PHKB: variants seen among roughly 807,000 people sequenced by gnomAD.
PHKB encodes phosphorylase kinase regulatory subunit beta.
In PHKB, 122 loss-of-function variants were observed where a neutral mutation model predicts 152.1. The observed-to-expected ratio is 0.80, with a 90% CI of 0.69 to 0.93. The LOEUF is 0.93. Ranked by LOEUF, PHKB falls within the 40% of genes least tolerant of loss-of-function variation. The pLI, the probability that PHKB is intolerant of heterozygous loss-of-function variation, is 0.00. For missense variants in PHKB, 1,304 were observed against 1,328.4 expected (o/e 0.98, Z 0.29); for synonymous variants, 436 against 464.9 (o/e 0.94, Z 0.80).
At chr16:47,697,964 T>C (rs1250046978) in intron 29 of PHKB, among the ~76,000 whole-genome samples, 1 of 152,184 alleles carries the variant, frequency 6.6e-6, no homozygotes, top group Admixed American at 6.5e-5. Flanking sequence ...CATCACAGAC[T>C]TATACTCATT....
At chr16:47,564,250 A>T (rs377037284) in intron 7 of PHKB, among the ~76,000 whole-genome samples, 2 of 151,512 alleles carry the variant, frequency 1.3e-5, no homozygotes, top group South Asian at 4.2e-4. Flanking sequence ...AGAAATTTCC[A>T]TACTGTCTTT....
intron 6 of PHKB, among the ~76,000 whole-genome samples, chr16:47,547,057 T>C (rs1423313434): frequency 6.6e-6 from 1 of 152,214 alleles, no homozygotes; most frequent in Non-Finnish European, 1.5e-5. Flanking sequence ...CCCCTTGCAC[T>C]TCCTGGGTGA....
chr16:47,477,927 A>G (rs1278752326), intron 1 of PHKB, among the ~76,000 whole-genome samples: 1 of 152,198 alleles, frequency 6.6e-6, no homozygotes, highest in Non-Finnish European at 1.5e-5. Flanking sequence ...AACTTTACCT[A>G]AGATACCGAG....
chr16:47,542,796 CTGTT>C (rs1419004196), intron 6 of PHKB, among the ~76,000 whole-genome samples: 2 of 152,094 alleles, frequency 1.3e-5, no homozygotes, highest in Non-Finnish European at 2.9e-5. Context: ...ATTTGGCTCT[CTGTT>C]TGTCTGTTAT....
At chr16:47,501,181 A>C (rs1052915719) in intron 3 of PHKB, among the ~76,000 whole-genome samples, 3 of 152,230 alleles carry the variant, frequency 2.0e-5, no homozygotes, top group African/African-American at 2.4e-5. Flanking sequence ...GATTTGACAC[A>C]ATGGGAAATA....
rs1973958388 is a variant in PHKB at position 47,685,974 on chromosome 16, C to G, written c.2631-3067C>G. Among the ~76,000 whole-genome samples the G allele has an allele frequency of 2.0e-5, 3 of 152,144 alleles. No individual in the cohort carries two copies. In the South Asian group the frequency reaches 6.2e-4, roughly 32 times the overall value. ...GCCAGGATGGTCTCAATCTCCTGACCTCATGATCCGCTGCCTCAGCCTCCC... is the reference window on the plus strand; with the variant it reads ...GCCAGGATGGTCTCAATCTCCTGACGTCATGATCCGCTGCCTCAGCCTCCC... On this transcript the variant is annotated intron_variant, in intron 26 of 30. Transcript: ENST00000323584.
intron 1 of PHKB, among the ~76,000 whole-genome samples, chr16:47,466,692 A>C (rs1288533930): frequency 6.6e-6 from 1 of 152,076 alleles, no homozygotes; most frequent in African/African-American, 2.4e-5. Context: ...GCAAATCAGT[A>C]CCTGTTAAAA....
At chr16:47,527,473 A>G (rs1301288461) in intron 6 of PHKB, among the ~76,000 whole-genome samples, 1 of 152,208 alleles carries the variant, frequency 6.6e-6, no homozygotes, top group Non-Finnish European at 1.5e-5. Context: ...CAGAGAAACA[A>G]TATTCACAAT....
intron 1 of PHKB, among the ~76,000 whole-genome samples, chr16:47,492,177 C>T (rs1425958065): frequency 1.3e-5 from 2 of 152,154 alleles, no homozygotes; most frequent in East Asian, 1.9e-4. Flanking sequence ...AAAACATTGC[C>T]ACGTGGTTGC....
At chr16:47,483,034 CTTT>C (rs35429055) in intron 1 of PHKB, among the ~76,000 whole-genome samples, 7 of 91,850 alleles carry the variant, frequency 7.6e-5, no homozygotes, top group Admixed American at 7.6e-4. Flanking sequence ...TAAATAATTT[CTTT>C]TTTTTTTTTT....
chr16:47,475,672 C>T (rs1025992985), intron 1 of PHKB, among the ~76,000 whole-genome samples: 2 of 152,000 alleles, frequency 1.3e-5, no homozygotes, highest in Admixed American at 1.3e-4. Flanking sequence ...TAGCAAATTC[C>T]CATGCTTCCA....
chr16:47,535,103 A>G (rs1970929286), intron 6 of PHKB, among the ~76,000 whole-genome samples: 2 of 152,196 alleles, frequency 1.3e-5, no homozygotes, highest in South Asian at 4.1e-4. Flanking sequence ...TACACTAAAG[A>G]GTGTGTGAAA....
At chr16:47,575,027 T>C (rs944988653) in intron 7 of PHKB, among the ~76,000 whole-genome samples, 1 of 152,188 alleles carries the variant, frequency 6.6e-6, no homozygotes, top group African/African-American at 2.4e-5. Flanking sequence ...TCTTTCACCA[T>C]CAAGTAGAGT....
intron 7 of PHKB, chr16:47,561,777 T>A (rs1971480127): frequency 6.6e-6 from 1 of 152,232 alleles, no homozygotes; most frequent in African/African-American, 2.4e-5. Flanking sequence ...GAAAATATAC[T>A]TCCTTGGATA....
chr16:47,576,345 G>C (rs1971749232), intron 7 of PHKB, among the ~76,000 whole-genome samples: 1 of 152,144 alleles, frequency 6.6e-6, no homozygotes, highest in Admixed American at 6.6e-5. Flanking sequence ...AGTTAACATG[G>C]TAATTATATT....
chr16:47,578,293 T>G (rs960757338), intron 7 of PHKB, among the ~76,000 whole-genome samples: 3 of 152,212 alleles, frequency 2.0e-5, no homozygotes, highest in African/African-American at 7.2e-5. Context: ...TTCTAACAAC[T>G]CTTTCTTCTC....
chr16:47,689,412 C>G (rs1247103224), intron 27 of PHKB, among the ~76,000 whole-genome samples: 1 of 152,032 alleles, frequency 6.6e-6, no homozygotes, highest in Non-Finnish European at 1.5e-5. Flanking sequence ...AGTTTATAAG[C>G]ATTTCTTCAT....
chr16:47,468,464 C>T (rs570835730), intron 1 of PHKB, among the ~76,000 whole-genome samples: 1 of 152,190 alleles, frequency 6.6e-6, no homozygotes, highest in African/African-American at 2.4e-5. Flanking sequence ...TCAGCCTGGC[C>T]AACATGGTGA....
chr16:47,566,356 C>A, intron 7 of PHKB: 3 of 1,432,042 alleles, frequency 2.1e-6, no homozygotes, highest in South Asian at 2.3e-5. Flanking sequence ...GAAGAATGAT[C>A]ATTCCTGTCT....
Sources: gnomAD v4.1 joint callset for allele counts (sites outside exome capture counted in the v4.1 genomes callset) on GRCh38, gnomAD v4.1.1 for gene constraint, MANE v1.5 for transcripts, NCBI Gene and HGNC (gene_info 2026-07-23, HGNC 2026-07-21) for gene names.